Variants in MED13L observed in about 807,000 individuals in gnomAD.
MED13L encodes the protein mediator of RNA polymerase II transcription subunit 13-like.
MED13L carries 7 observed loss-of-function variants against 220.9 expected under a neutral mutation model. The ratio of observed to expected loss-of-function variants is 0.03; its 90% CI spans 0.02 to 0.06. The LOEUF (loss-of-function observed/expected upper bound fraction) is 0.06. Ranked by LOEUF, MED13L falls within the 10% of genes least tolerant of loss-of-function variation. The pLI, the probability that MED13L is intolerant of heterozygous loss-of-function variation, is 1.00. For missense variants in MED13L, 1,965 were observed against 2,760.5 expected, an observed-to-expected ratio of 0.71 and a Z score of 6.46; for synonymous variants, 1,011 against 1,015.2, an observed-to-expected ratio of 1.00 and a Z score of 0.08.
chr12:116,055,636 T>A (rs949472027), intron 4 of MED13L, among the ~76,000 whole-genome samples: 2 of 152,216 alleles, frequency 1.3e-5, no homozygotes, highest in Non-Finnish European at 2.9e-5. Context: ...GGCTCACACC[T>A]GTAATCCCAG....
At chr12:116,175,993 A>G (rs1880035042) in intron 2 of MED13L, among the ~76,000 whole-genome samples, 1 of 152,214 alleles carries the variant, frequency 6.6e-6, no homozygotes, top group Non-Finnish European at 1.5e-5. Context: ...TAGAGATGGT[A>G]TCAAAAGTCT....
intron 1 of MED13L, among the ~76,000 whole-genome samples, chr12:116,240,686 G>A (rs1170345204): frequency 6.6e-6 from 1 of 151,662 alleles, no homozygotes; most frequent in South Asian, 2.1e-4. Context: ...ACAGGCGCCC[G>A]CCACCGCGCC....
chr12:116,109,639 A>G (rs2137890688), intron 3 of MED13L, among the ~76,000 whole-genome samples: 1 of 152,326 alleles, frequency 6.6e-6, no homozygotes, highest in East Asian at 1.9e-4. Flanking sequence ...AGATACCAAG[A>G]GCTTTATTCT....
chr12:116,070,291 G>C (rs1222329350), intron 4 of MED13L, among the ~76,000 whole-genome samples: 1 of 152,130 alleles, frequency 6.6e-6, no homozygotes, highest in Non-Finnish European at 1.5e-5. Flanking sequence ...ATCTCTCTGA[G>C]CTTTACTTTT....
intron 2 of MED13L, among the ~76,000 whole-genome samples, chr12:116,198,196 T>G (rs1305238727): frequency 5.3e-5 from 8 of 152,162 alleles, no homozygotes; most frequent in Admixed American, 5.2e-4. Flanking sequence ...TTTAAAATAT[T>G]TCATCTTTTC....
chr12:116,233,587 G>A (rs375737109), intron 2 of MED13L, among the ~76,000 whole-genome samples: 8 of 152,076 alleles, frequency 5.3e-5, no homozygotes, highest in African/African-American at 1.4e-4. Context: ...CAATTCATTC[G>A]CAGCCTGTAG....
At chr12:115,969,735 G>T (rs143180197) in intron 27 of MED13L, among the ~76,000 whole-genome samples, 145 of 152,138 alleles carry the variant, frequency 9.5e-4, no homozygotes, top group African/African-American at 3.4e-3. Context: ...CGTTGGCCAG[G>T]CTAGTCTCAA....
At position 116,277,237 on chromosome 12, in the gene MED13L, G is replaced by T; in HGVS notation, c.-106C>A. 2.0e-6 allele frequency: 1 copy of T among 496,360 alleles called. No homozygotes were observed. Among genetic ancestry groups the T allele is most frequent in the Non-Finnish European group, 2.6e-6 (1 of 385,714 alleles). The allele number at this position is 496,360 out of a possible 1,614,324, so 30.7% of individuals were successfully genotyped here. ...CTCGCCGGGGAGCGCGGGGCGGCCG[G>T]GCCGCCGCCGCCGCCGGGGGAGGGC... is the stretch of plus-strand genomic sequence containing the variant. On this transcript the variant is annotated 5_prime_UTR_variant, in exon 1 of 31. Coordinates refer to ENST00000281928, the MANE Select transcript of MED13L (RefSeq NM_015335.5).
intron 2 of MED13L, among the ~76,000 whole-genome samples, chr12:116,145,558 C>T (rs890220892): frequency 1.3e-5 from 2 of 151,974 alleles, no homozygotes; most frequent in African/African-American, 4.8e-5. Flanking sequence ...TGCAGTGGTG[C>T]GATCATAGCT....
intron 4 of MED13L, among the ~76,000 whole-genome samples, chr12:116,071,364 C>T (rs1316652237): frequency 1.3e-5 from 2 of 152,190 alleles, no homozygotes; most frequent in African/African-American, 4.8e-5. Flanking sequence ...AACATTAATT[C>T]CACATAAAAT....
chr12:115,975,693 G>C lies in MED13L; in HGVS notation c.5410C>G (p.Pro1804Ala). The C allele has an allele frequency of 6.2e-7, 1 of 1,613,918 alleles. No homozygotes were observed. The highest frequency in any genetic ancestry group is 1.1e-5 in the South Asian group (1 of 91,076). ...AGCTCTGTCTGCTTGTCTTTGATTG[G>C]GGCCAATATAAAGGGAGGGGAGTAA... ...QLYSPPFILAPIKDKQTELGE... is the reference protein window; with the variant it reads ...QLYSPPFILAAIKDKQTELGE... The change falls in exon 24 of 31, where the codon CCA becomes GCA. Residue 1804 changes from proline (P) to alanine (A), a missense_variant. Physicochemically the swap from Pro to Ala is conservative, Grantham distance 27. Transcript: ENST00000281928.
intron 2 of MED13L, among the ~76,000 whole-genome samples, chr12:116,132,869 G>A (rs534876486): frequency 1.8e-4 from 27 of 151,662 alleles, no homozygotes; most frequent in African/African-American, 5.8e-4. Context: ...GCAGTGAGCC[G>A]ACACTGCACT....
chr12:116,050,383 T>A (rs1244809659), intron 4 of MED13L, among the ~76,000 whole-genome samples: 6 of 152,162 alleles, frequency 3.9e-5, no homozygotes, highest in Non-Finnish European at 7.3e-5. Flanking sequence ...GGAACAGGTA[T>A]CATCAATACT....
intron 2 of MED13L, among the ~76,000 whole-genome samples, chr12:116,156,276 C>A (rs1456496399): frequency 6.6e-6 from 1 of 151,702 alleles, no homozygotes; most frequent in Admixed American, 6.6e-5. Flanking sequence ...CAACTTTCCA[C>A]TGAAGCATAT....
chr12:116,100,959 T>A (rs1403599574), intron 3 of MED13L, among the ~76,000 whole-genome samples: 2 of 152,136 alleles, frequency 1.3e-5, no homozygotes, highest in Non-Finnish European at 2.9e-5. Context: ...CCACTATAAA[T>A]TCTGTCCTCA....
intron 1 of MED13L, chr12:116,276,502 T>G: frequency 7.8e-7 from 1 of 1,287,080 alleles, no homozygotes; most frequent in Non-Finnish European, 1.0e-6. Context: ...CGGCTGTCGA[T>G]GTTTACAATC....
intron 2 of MED13L, among the ~76,000 whole-genome samples, chr12:116,206,262 G>A (rs1565927982): frequency 6.6e-6 from 1 of 151,764 alleles, no homozygotes; most frequent in Non-Finnish European, 1.5e-5. Flanking sequence ...TGTATTTTTA[G>A]TAGAGACGGT....
intron 30 of MED13L, 94 bp from the exon 31 acceptor site, chr12:115,961,492 G>A (rs897448199): frequency 2.0e-6 from 3 of 1,515,578 alleles, no homozygotes; most frequent in Non-Finnish European, 2.7e-6. Flanking sequence ...GCAGGAAGGA[G>A]GTCTCAAAGG....
intron 1 of MED13L, among the ~76,000 whole-genome samples, chr12:116,273,421 T>C (rs576919026): frequency 6.6e-6 from 1 of 152,330 alleles, no homozygotes; most frequent in South Asian, 2.1e-4. Flanking sequence ...TTTTGGCACT[T>C]TGAAAATTAG....
Sources: allele counts gnomAD v4.1 joint callset (sites outside exome capture counted in the v4.1 genomes callset), GRCh38; gene constraint gnomAD v4.1.1; transcripts MANE v1.5; gene names NCBI Gene and HGNC (gene_info 2026-07-23, HGNC 2026-07-21).